ABCB1: variants seen among roughly 807,000 people sequenced by gnomAD.
The protein encoded by ABCB1 is ATP binding cassette subfamily B member 1.
A neutral mutation model predicts 142.0 loss-of-function variants in ABCB1; 69 were observed. The ratio of observed to expected loss-of-function variants is 0.49; its 90% CI spans 0.40 to 0.59. ABCB1 has a LOEUF of 0.59. Among genes scored for constraint, ABCB1 ranks in the 20% least tolerant of loss-of-function variants. The pLI is 0.00. For synonymous variants in ABCB1, 532 were observed against 539.2 expected, an observed-to-expected ratio of 0.99 and a Z score of 0.18; for missense variants, 1,326 against 1,554.7, an observed-to-expected ratio of 0.85 and a Z score of 2.47.
chr7:87,669,739 G>A (rs979999127), intron 1 of ABCB1, among the ~76,000 whole-genome samples: 1 of 152,136 alleles, frequency 6.6e-6, no homozygotes, highest in African/African-American at 2.4e-5. Flanking sequence ...AGCTCACTTT[G>A]GCTGTATATG....
Position 87,646,908 on chromosome 7 carries a change from TA to T in ABCB1, c.-330-45831del, listed in dbSNP as rs546630893. 2.0e-3 allele frequency among the ~76,000 whole-genome samples: 302 copies of T among 152,308 alleles called. 1 individual carries two copies. Among genetic ancestry groups the T allele is most frequent in the African/African-American group, 6.6e-3 (276 of 41,590 alleles). On this transcript the variant is annotated intron_variant, in intron 1 of 28. Transcript: ENST00000265724. ...TGACTATCCGTTAGGTACAAGAAAC[TA>T]ACTTTATCAGTGTTACTTCCTATAT...
chr7:87,526,857 A>G (rs922896349), intron 21 of ABCB1, among the ~76,000 whole-genome samples: 2 of 152,164 alleles, frequency 1.3e-5, no homozygotes, highest in African/African-American at 4.8e-5. Flanking sequence ...TACACATAAG[A>G]GCATATCTAT....
chr7:87,587,197 G>T (rs1466175846), intron 3 of ABCB1, among the ~76,000 whole-genome samples: 1 of 152,130 alleles, frequency 6.6e-6, no homozygotes, highest in African/African-American at 2.4e-5. Flanking sequence ...TTCTTTTAGA[G>T]ATTATATTAA....
chr7:87,659,050 C>T (rs924383684), intron 1 of ABCB1, among the ~76,000 whole-genome samples: 5 of 151,930 alleles, frequency 3.3e-5, no homozygotes, highest in South Asian at 2.1e-4. Context: ...CCTATTTGGG[C>T]GGCTGAGGTG....
At chr7:87,564,314 T>G (rs1817698503) in intron 7 of ABCB1, among the ~76,000 whole-genome samples, 1 of 152,238 alleles carries the variant, frequency 6.6e-6, no homozygotes, top group Non-Finnish European at 1.5e-5. Context: ...AGTATTATTT[T>G]GGTCGGCTTG....
intron 1 of ABCB1, among the ~76,000 whole-genome samples, chr7:87,647,918 C>T (rs1379223229): frequency 6.6e-6 from 1 of 152,094 alleles, no homozygotes; most frequent in Non-Finnish European, 1.5e-5. Flanking sequence ...GGCACGGTGG[C>T]TCATGCCTGT....
upstream of ABCB1, among the ~76,000 whole-genome samples, chr7:87,605,107 G>T (rs192715120): frequency 9.9e-5 from 15 of 152,234 alleles, no homozygotes; most frequent in East Asian, 2.9e-3. Flanking sequence ...TGCCTTCAAA[G>T]ATCCGTTGCC....
chr7:87,565,461 C>T (rs1387988779), intron 7 of ABCB1: 10 of 455,156 alleles, frequency 2.2e-5, no homozygotes, highest in Non-Finnish European at 2.6e-5. Flanking sequence ...TACCTCTCTG[C>T]CTTCATGACA....
intron 1 of ABCB1, among the ~76,000 whole-genome samples, chr7:87,679,822 A>G (rs779085543): frequency 3.3e-5 from 5 of 150,798 alleles, no homozygotes; most frequent in Non-Finnish European, 5.9e-5. Flanking sequence ...ATTTAAAAGA[A>G]TTGAAATCAT....
rs1387356833 is a variant in ABCB1, at chr7:87,550,006, G to T, written c.1399C>A (p.Arg467=). ...TGACTCACCACACCAATGATTTCCC[G>T]TAGAAACCTTACATTTATGGTCCTA... is the stretch of plus-strand genomic sequence containing the variant. The part of the protein sequence containing the change: ...DIRTINVRFL[R]EIIGVVSQEP... Residue 467 remains arginine, a synonymous_variant, in exon 13 of 28, where the codon CGG becomes AGG. Coordinates refer to ENST00000622132, the MANE Select transcript of ABCB1 (RefSeq NM_001348946.2). The T allele has an allele frequency of 1.9e-6, 3 of 1,614,136 alleles. No homozygotes were observed. The highest frequency in any genetic ancestry group is 2.5e-6 in the Non-Finnish European group (3 of 1,180,026).
chr7:87,616,203 A>G (rs531728760), intron 1 of ABCB1, among the ~76,000 whole-genome samples: 1 of 152,350 alleles, frequency 6.6e-6, no homozygotes, highest in South Asian at 2.1e-4. Flanking sequence ...TATCTTAAAT[A>G]TCAGTATTCT....
intron 1 of ABCB1, chr7:87,709,343 T>A (rs1829869008): frequency 1.0e-6 from 1 of 985,302 alleles, no homozygotes; most frequent in Non-Finnish European, 1.2e-6. Flanking sequence ...TCTGTGTCTT[T>A]TAGATGAAAT....
At chr7:87,633,597 C>T (rs1821438897) in intron 1 of ABCB1, among the ~76,000 whole-genome samples, 1 of 152,104 alleles carries the variant, frequency 6.6e-6, no homozygotes, top group Non-Finnish European at 1.5e-5. Flanking sequence ...CTTTGTACTT[C>T]CCATTCTGAC....
At chr7:87,638,345 T>TG (rs1822035831) in intron 1 of ABCB1, among the ~76,000 whole-genome samples, 3 of 144,790 alleles carry the variant, frequency 2.1e-5, no homozygotes, top group East Asian at 2.0e-4. Flanking sequence ...AAGTATGTGT[T>TG]TGTGTGTGTG....
intron 1 of ABCB1, among the ~76,000 whole-genome samples, chr7:87,693,318 T>TAATA (rs958775052): frequency 6.6e-6 from 1 of 152,192 alleles, no homozygotes; most frequent in Non-Finnish European, 1.5e-5. Context: ...ACATTTTATA[T>TAATA]AATATCTAAG....
At chr7:87,604,986 A>G (rs1050151490), upstream of ABCB1, among the ~76,000 whole-genome samples, 4 of 152,220 alleles carry the variant, frequency 2.6e-5, no homozygotes, top group Non-Finnish European at 5.9e-5. Context: ...CTTATACAAA[A>G]TAAAGTTTCA....
intron 1 of ABCB1, among the ~76,000 whole-genome samples, chr7:87,626,300 T>TATATGTC (rs1385837785): frequency 4.5e-5 from 2 of 44,068 alleles, no homozygotes; most frequent in Non-Finnish European, 3.8e-5. Flanking sequence ...ATATGTGTCA[T>TATATGTC]ATATATGTGT....
intron 1 of ABCB1, among the ~76,000 whole-genome samples, chr7:87,668,749 A>G (rs568807098): frequency 6.6e-6 from 1 of 152,188 alleles, no homozygotes; most frequent in Admixed American, 6.5e-5. Context: ...AAGCCACTCA[A>G]GAGCATGATG....
At chr7:87,650,681 T>G (rs1326314782) in intron 1 of ABCB1, 1 of 614,976 alleles carries the variant, frequency 1.6e-6, no homozygotes, top group African/African-American at 1.9e-5. Flanking sequence ...AGAGTAAATT[T>G]GAATAAATGG....
Sources: allele counts gnomAD v4.1 joint callset (sites outside exome capture counted in the v4.1 genomes callset), GRCh38; gene constraint gnomAD v4.1.1; transcripts MANE v1.5; gene names NCBI Gene and HGNC (gene_info 2026-07-23, HGNC 2026-07-21).